Variants in CTNNA3 observed in about 807,000 individuals in gnomAD.
CTNNA3 encodes the protein catenin alpha-3.
A neutral mutation model predicts 95.7 loss-of-function variants in CTNNA3; 76 were observed. That is an observed-to-expected ratio of 0.79 (90% CI 0.66 to 0.96). The LOEUF (loss-of-function observed/expected upper bound fraction) is 0.96. Among genes scored for constraint, CTNNA3 ranks in the 40% least tolerant of loss-of-function variants. The pLI is 0.00. For missense variants in CTNNA3, 1,191 were observed against 1,089.8 expected (o/e 1.09, Z -1.31); for synonymous variants, 431 against 374.4 (o/e 1.15, Z -1.74).
intron 11 of CTNNA3, among the ~76,000 whole-genome samples, chr10:66,380,507 C>G (rs2132492870): frequency 6.6e-6 from 1 of 151,782 alleles, no homozygotes; most frequent in African/African-American, 2.4e-5. Flanking sequence ...ACTTGGGAGG[C>G]TGAGGTGGGA....
intron 7 of CTNNA3, among the ~76,000 whole-genome samples, chr10:66,931,045 A>T (rs1564775018): frequency 6.6e-6 from 1 of 152,142 alleles, no homozygotes; most frequent in Non-Finnish European, 1.5e-5. Flanking sequence ...CCTCACCTCC[A>T]TCCCATGGTA....
At chr10:65,988,645 G>C (rs558475870) in intron 16 of CTNNA3, 47 bp downstream of exon 16, 3 of 1,441,736 alleles carry the variant, frequency 2.1e-6, no homozygotes, top group Non-Finnish European at 2.9e-6. Context: ...TAATGGCAAA[G>C]AGCAATTAGC....
chr10:67,173,982 G>A (rs1302604485), intron 7 of CTNNA3, among the ~76,000 whole-genome samples: 1 of 152,162 alleles, frequency 6.6e-6, no homozygotes, highest in East Asian at 1.9e-4. Context: ...CTGGCCAAGA[G>A]GATGTAACCT....
At chr10:66,585,650 C>T (rs991578694) in intron 10 of CTNNA3, among the ~76,000 whole-genome samples, 1 of 151,766 alleles carries the variant, frequency 6.6e-6, no homozygotes, top group Non-Finnish European at 1.5e-5. Flanking sequence ...TAATAATCAA[C>T]TTTTTTGAAT....
intron 7 of CTNNA3, chr10:66,926,942 T>C: frequency 6.3e-7 from 1 of 1,593,678 alleles, no homozygotes; most frequent in Non-Finnish European, 8.5e-7. Flanking sequence ...ATTAGGCTAC[T>C]GAGCGGATCA....
At chr10:67,732,503 A>G (rs1358108665) in intron 1 of CTNNA3, among the ~76,000 whole-genome samples, 1 of 152,218 alleles carries the variant, frequency 6.6e-6, no homozygotes. Flanking sequence ...TGGTCTAAGC[A>G]GTTCTGATTC....
At chr10:66,720,319 A>G (rs1283065454) in intron 9 of CTNNA3, among the ~76,000 whole-genome samples, 8 of 151,908 alleles carry the variant, frequency 5.3e-5, no homozygotes, top group Admixed American at 5.2e-4. Flanking sequence ...TATTTGGTTG[A>G]CTCCCAAGCT....
chr10:66,063,312 A>C (rs528737495), intron 15 of CTNNA3, among the ~76,000 whole-genome samples: 250 of 133,044 alleles, frequency 1.9e-3, no homozygotes, highest in South Asian at 7.0e-3. Context: ...CTCTCTATAT[A>C]TATATATAAT....
chr10:66,921,602 A>G (rs764320608), intron 7 of CTNNA3, among the ~76,000 whole-genome samples: 20 of 151,866 alleles, frequency 1.3e-4, no homozygotes, highest in Non-Finnish European at 2.2e-4. Context: ...TGCACTGGCC[A>G]CTCCCCATAT....
intron 3 of CTNNA3, among the ~76,000 whole-genome samples, chr10:67,587,193 T>TTGTGTGTGTGTGTGTGTG (rs57140243): frequency 7.7e-6 from 1 of 130,064 alleles, no homozygotes; most frequent in Non-Finnish European, 1.6e-5. Flanking sequence ...CCCAGCTAAC[T>TTGTGTGTGTGTGTGTGTG]TGTGTGTGTG....
intron 5 of CTNNA3, among the ~76,000 whole-genome samples, chr10:67,467,936 C>A (rs1847662266): frequency 6.6e-6 from 1 of 151,768 alleles, no homozygotes; most frequent in African/African-American, 2.4e-5. Flanking sequence ...GTCTCAAACT[C>A]CTGGGCTCAA....
At chr10:67,582,867 G>T (rs1842460509) in intron 3 of CTNNA3, among the ~76,000 whole-genome samples, 3 of 151,920 alleles carry the variant, frequency 2.0e-5, no homozygotes, top group African/African-American at 7.3e-5. Flanking sequence ...TTTTATTAGA[G>T]ACTAGGATTG....
chr10:66,921,140 T>A (rs1487461200), intron 7 of CTNNA3, among the ~76,000 whole-genome samples: 2 of 152,200 alleles, frequency 1.3e-5, no homozygotes, highest in Non-Finnish European at 2.9e-5. Context: ...GACAGCCTGA[T>A]TTCTGGCTTC....
rs575598464 is a variant in CTNNA3, at chr10:67,612,989, T to C, written c.100-5940A>G. Among the ~76,000 whole-genome samples, 3 of 152,272 alleles carry C rather than the reference T, an allele frequency of 2.0e-5. No individual in the cohort carries two copies. In the South Asian group the frequency reaches 6.2e-4, roughly 32 times the overall value. On this transcript the variant is annotated intron_variant, in intron 2 of 17. Transcript: ENST00000433211. ...TAGAGCCGTCTCTTGAAAATGTAAA[T>C]CTCTCATATTTGCACTACCTGTAGG...
Position 66,837,255 on chromosome 10 carries a change from T to G in CTNNA3, c.1048-61731A>C, listed in dbSNP as rs536400644. 3.9e-5 allele frequency among the ~76,000 whole-genome samples: 6 copies of G among 152,266 alleles called. No homozygotes were observed. In the East Asian group the frequency reaches 9.7e-4, roughly 25 times the overall value. ...AACAGAATAACCATCACAAGCCTTT[T>G]GGCAAAAGATAATGTGACACTCCAT... is the stretch of plus-strand genomic sequence containing the variant. On this transcript the variant is annotated intron_variant, in intron 7 of 17. Coordinates refer to ENST00000433211, the MANE Select transcript of CTNNA3 (RefSeq NM_013266.4).
chr10:66,173,490 G>T (rs141741171), intron 13 of CTNNA3, among the ~76,000 whole-genome samples: 1 of 151,960 alleles, frequency 6.6e-6, no homozygotes, highest in Non-Finnish European at 1.5e-5. Flanking sequence ...TTTGAGACCA[G>T]CCTGGGCAAG....
intron 14 of CTNNA3, among the ~76,000 whole-genome samples, chr10:66,077,577 C>T (rs2080593236): frequency 1.3e-5 from 2 of 151,738 alleles, no homozygotes; most frequent in South Asian, 4.1e-4. Context: ...GTAATCTTCA[C>T]ATAGATAAAT....
intron 12 of CTNNA3, among the ~76,000 whole-genome samples, chr10:66,320,131 T>G (rs1295195239): frequency 6.6e-6 from 1 of 152,052 alleles, no homozygotes; most frequent in African/African-American, 2.4e-5. Context: ...GATATATAAG[T>G]CTTATCGACC....
chr10:66,049,629 C>CA (rs1165570777), intron 15 of CTNNA3, among the ~76,000 whole-genome samples: 1 of 152,104 alleles, frequency 6.6e-6, no homozygotes, highest in African/African-American at 2.4e-5. Flanking sequence ...AGAATGAGAG[C>CA]ATGTCTTTTA....
Sources: gnomAD v4.1 joint callset for allele counts (sites outside exome capture counted in the v4.1 genomes callset) on GRCh38, gnomAD v4.1.1 for gene constraint, MANE v1.5 for transcripts, NCBI Gene and HGNC (gene_info 2026-07-23, HGNC 2026-07-21) for gene names.